Variants in CCDC141 observed in about 807,000 individuals in gnomAD.
CCDC141 encodes the protein coiled-coil domain-containing protein 141.
A neutral mutation model predicts 181.0 loss-of-function variants in CCDC141; 168 were observed. The observed-to-expected ratio is 0.93, with a 90% confidence interval of 0.82 to 1.05. The LOEUF is 1.05. Among genes scored for constraint, CCDC141 ranks in the 50% least tolerant of loss-of-function variants. The pLI, the probability that CCDC141 is intolerant of heterozygous loss-of-function variation, is 0.00. For missense variants in CCDC141, 1,902 were observed against 1,788.5 expected, an observed-to-expected ratio of 1.06 and a Z score of -1.14; for synonymous variants, 666 against 642.3, an observed-to-expected ratio of 1.04 and a Z score of -0.56.
intron 8 of CCDC141, among the ~76,000 whole-genome samples, chr2:178,893,994 C>T (rs1444164906): frequency 6.6e-6 from 1 of 152,060 alleles, no homozygotes; most frequent in African/African-American, 2.4e-5. Flanking sequence ...CATATATGTC[C>T]TATGTGAAGG....
chr2:178,959,870 C>T (rs1690320459), intron 5 of CCDC141, among the ~76,000 whole-genome samples: 1 of 152,228 alleles, frequency 6.6e-6, no homozygotes, highest in East Asian at 1.9e-4. Context: ...AAAAGTTGAC[C>T]AACACATGTC....
chr2:178,887,687 A>G (rs1201961085), intron 9 of CCDC141, among the ~76,000 whole-genome samples: 1 of 152,178 alleles, frequency 6.6e-6, no homozygotes, highest in Non-Finnish European at 1.5e-5. Flanking sequence ...AAGTTTCTGG[A>G]TTAATAACAG....
intron 6 of CCDC141, among the ~76,000 whole-genome samples, chr2:178,942,897 C>G (rs1422457591): frequency 6.6e-6 from 1 of 152,048 alleles, no homozygotes; most frequent in Non-Finnish European, 1.5e-5. Flanking sequence ...GAAAGAATAT[C>G]TATATGCTTT....
chr2:178,830,492 G>A lies in CCDC141; in HGVS notation c.*3681C>T, dbSNP rs567609421. On this transcript the variant is annotated 3_prime_UTR_variant, in exon 24 of 24. Coordinates refer to ENST00000443758, the MANE Select transcript of CCDC141 (RefSeq NM_173648.4). ...TTTCCCCTCTCCTCCCTCTAAAAAG[G>A]GGAGAAAAACAAGCTAGGTTTATCT... is the stretch of plus-strand genomic sequence containing the variant. 2 of 152,102 alleles carry A rather than the reference G, an allele frequency of 1.3e-5. No homozygotes were observed. Among genetic ancestry groups the A allele is most frequent in the African/African-American group, 2.4e-5 (1 of 41,404 alleles). 9.4% of individuals were successfully genotyped at this position (152,102 alleles called of 1,614,324 possible).
At chr2:178,998,952 T>C (rs1692406678) in intron 2 of CCDC141, among the ~76,000 whole-genome samples, 1 of 152,156 alleles carries the variant, frequency 6.6e-6, no homozygotes, top group African/African-American at 2.4e-5. Context: ...GACAAGTGAT[T>C]CTAAAATTTG....
At chr2:178,828,894 A>G (rs1266020357), downstream of CCDC141, among the ~76,000 whole-genome samples, 1 of 152,212 alleles carries the variant, frequency 6.6e-6, no homozygotes, top group Non-Finnish European at 1.5e-5. Context: ...AGATAAAAAT[A>G]CCATTTTGTA....
chr2:178,958,233 C>A (rs1469296141), intron 5 of CCDC141, among the ~76,000 whole-genome samples: 1 of 152,120 alleles, frequency 6.6e-6, no homozygotes, highest in Non-Finnish European at 1.5e-5. Context: ...TACATTTGTT[C>A]AAACCCATAG....
intron 8 of CCDC141, among the ~76,000 whole-genome samples, chr2:178,901,472 A>C (rs917915216): frequency 4.6e-4 from 70 of 152,154 alleles, no homozygotes; most frequent in African/African-American, 1.5e-3. Flanking sequence ...CAATAAATGT[A>C]ATCCAGCATA....
intron 2 of CCDC141, among the ~76,000 whole-genome samples, chr2:178,988,148 G>T (rs940522476): frequency 6.6e-6 from 1 of 152,098 alleles, no homozygotes; most frequent in Non-Finnish European, 1.5e-5. Flanking sequence ...AATAAAAAAT[G>T]ATGAGTTCAT....
chr2:179,042,840 G>C (rs1352178740), intron 2 of CCDC141, among the ~76,000 whole-genome samples: 1 of 151,984 alleles, frequency 6.6e-6, no homozygotes, highest in Non-Finnish European at 1.5e-5. Flanking sequence ...ACTTAAGCTG[G>C]CAGAAGACAA....
At chr2:179,029,523 G>A (rs1314120286) in intron 2 of CCDC141, among the ~76,000 whole-genome samples, 1 of 152,136 alleles carries the variant, frequency 6.6e-6, no homozygotes, top group African/African-American at 2.4e-5. Context: ...AGTTTTTCAA[G>A]GGGGTAAAAA....
At chr2:178,942,455 A>G (rs942747467) in intron 6 of CCDC141, among the ~76,000 whole-genome samples, 5 of 152,232 alleles carry the variant, frequency 3.3e-5, no homozygotes, top group Admixed American at 6.5e-5. Flanking sequence ...AGGCAAAACT[A>G]TGAAGACAGT....
At chr2:178,886,382 T>C (rs1196937905) in intron 10 of CCDC141, among the ~76,000 whole-genome samples, 1 of 152,230 alleles carries the variant, frequency 6.6e-6, no homozygotes, top group Non-Finnish European at 1.5e-5. Flanking sequence ...ACGTTGCTTC[T>C]GGTCATTTTT....
chr2:178,980,643 G>C (rs1484429836), intron 2 of CCDC141, among the ~76,000 whole-genome samples: 3 of 152,110 alleles, frequency 2.0e-5, no homozygotes, highest in African/African-American at 7.2e-5. Context: ...TATTAGAGTG[G>C]ATAAGAATAA....
At chr2:178,921,737 C>T (rs1688698482) in intron 6 of CCDC141, among the ~76,000 whole-genome samples, 1 of 152,144 alleles carries the variant, frequency 6.6e-6, no homozygotes, top group South Asian at 2.1e-4. Context: ...GAAAAACGTT[C>T]TATAGCTAAG....
chr2:178,975,069 G>A lies in CCDC141; in HGVS notation c.514C>T (p.His172Tyr). Residue 172 changes from histidine to tyrosine, a missense_variant, in exon 4 of 24, where the codon CAT becomes TAT. Coordinates refer to ENST00000443758, the MANE Select transcript of CCDC141 (RefSeq NM_173648.4). ...ACATATTTCTTGCCTTTAGTATGAT[G>A]TTCATGAAGCTGAAGAAGTGATTTT... ...SLKSLLQLHEHHTKELLERSL... is the reference protein window; with the variant it reads ...SLKSLLQLHEYHTKELLERSL... 6.7e-7 allele frequency: 1 copy of A among 1,495,576 alleles called. No homozygotes were observed. Among genetic ancestry groups the A allele is most frequent in the African/African-American group, 1.4e-5 (1 of 72,362 alleles). 92.6% of individuals were successfully genotyped at this position (1,495,576 alleles called of 1,614,324 possible). A position where few individuals can be genotyped will look rare whatever the true frequency, so the allele number is the denominator to read the frequency against.
At chr2:178,984,093 C>T (rs1691584727) in intron 2 of CCDC141, among the ~76,000 whole-genome samples, 1 of 152,118 alleles carries the variant, frequency 6.6e-6, no homozygotes, top group Admixed American at 6.6e-5. Flanking sequence ...CAAAGGGAAG[C>T]CCATCAGACT....
At chr2:178,982,850 T>A (rs933260200) in intron 2 of CCDC141, among the ~76,000 whole-genome samples, 1 of 151,956 alleles carries the variant, frequency 6.6e-6, no homozygotes. Flanking sequence ...AGCACAGTAG[T>A]CTGAGATCAA....
chr2:179,048,737 C>T (rs1281322106), intron 1 of CCDC141, among the ~76,000 whole-genome samples: 1 of 152,162 alleles, frequency 6.6e-6, no homozygotes, highest in Non-Finnish European at 1.5e-5. Flanking sequence ...TCAGCAGAGG[C>T]CTGGTTCCTG....
Sources: gnomAD v4.1 joint callset for allele counts (sites outside exome capture counted in the v4.1 genomes callset) on GRCh38, gnomAD v4.1.1 for gene constraint, MANE v1.5 for transcripts, NCBI Gene and HGNC (gene_info 2026-07-23, HGNC 2026-07-21) for gene names.